SMARCC1: variants seen among roughly 807,000 people sequenced by gnomAD.
The protein encoded by SMARCC1 is SWI/SNF complex subunit SMARCC1.
In SMARCC1, 43 loss-of-function variants were observed where a neutral mutation model predicts 147.4. That is an observed-to-expected ratio of 0.29 (90% CI 0.23 to 0.38). The LOEUF is 0.38. Among genes scored for constraint, SMARCC1 ranks in the 10% least tolerant of loss-of-function variants. The pLI is 1.00. For missense variants in SMARCC1, 1,119 were observed against 1,381.1 expected, an observed-to-expected ratio of 0.81 and a Z score of 3.01; for synonymous variants, 495 against 484.4, an observed-to-expected ratio of 1.02 and a Z score of -0.29.
rs1553689888 is a variant in SMARCC1 at position 47,747,480 on chromosome 3, T to TATAAATATAAATATAAATATAAAA, written c.316-1488_316-1487insTTTTATATTTATATTTATATTTAT. On this transcript the variant is annotated intron_variant, in intron 2 of 27. Coordinates refer to ENST00000254480, the MANE Select transcript of SMARCC1 (RefSeq NM_003074.4). The stretch of plus-strand genomic sequence containing the variant: ...ATATAAATATAAATATAAATATAAA[T>TATAAATATAAATATAAATATAAAA]ATAAAAATTAGCCAGGCATGGTGGC... Among the ~76,000 whole-genome samples the TATAAATATAAATATAAATATAAAA allele has an allele frequency of 1.2e-4, 18 of 147,544 alleles. No individual in the cohort carries two copies. The South Asian group carries it at 3.6e-3, about 29-fold the overall frequency.
chr3:47,758,949 G>A (rs1478324820), intron 2 of SMARCC1, among the ~76,000 whole-genome samples: 3 of 151,892 alleles, frequency 2.0e-5, no homozygotes, highest in East Asian at 2.0e-4. Flanking sequence ...CCAGGGAGGC[G>A]GTGGTGGCGG....
intron 6 of SMARCC1, among the ~76,000 whole-genome samples, chr3:47,722,257 T>C (rs2034241660): frequency 6.6e-6 from 1 of 151,868 alleles, no homozygotes; most frequent in Non-Finnish European, 1.5e-5. Flanking sequence ...AAAAGGTATC[T>C]TTCCTAACCA....
chr3:47,605,843 T>C (rs1459358511), intron 26 of SMARCC1, among the ~76,000 whole-genome samples: 1 of 152,132 alleles, frequency 6.6e-6, no homozygotes, highest in Non-Finnish European at 1.5e-5. Flanking sequence ...TTAGATAACA[T>C]TCAACCAGCC....
rs747377345 is a variant in SMARCC1, at chr3:47,676,725, A to G, written c.1629T>C (p.Ser543=). The G allele has an allele frequency of 6.2e-7, 1 of 1,613,638 alleles. No homozygotes were observed. The highest frequency in any genetic ancestry group is 1.3e-5 in the African/African-American group (1 of 75,046). The stretch of plus-strand genomic sequence containing the variant: ...GAGGAGGTCCCATTGCCATGGGTCT[A>G]CTTTCCGGGTCAACTTGGTAATTAA... ...GLVNYQVDPE[S]RPMAMGPPPT... Residue 543 remains serine, a synonymous_variant, in exon 17 of 28, where the codon AGT becomes AGC. Transcript: ENST00000254480.
chr3:47,758,061 A>C (rs959480805), intron 2 of SMARCC1, among the ~76,000 whole-genome samples: 1 of 152,130 alleles, frequency 6.6e-6, no homozygotes, highest in African/African-American at 2.4e-5. Context: ...AAAATGAATA[A>C]AAAAAATTGT....
chr3:47,723,378 T>TTC (rs2034258734), intron 6 of SMARCC1, among the ~76,000 whole-genome samples: 1 of 132,698 alleles, frequency 7.5e-6, no homozygotes, highest in African/African-American at 2.7e-5. Flanking sequence ...TTTTTTTTTT[T>TTC]GAGACAGAGT....
intron 11 of SMARCC1, among the ~76,000 whole-genome samples, chr3:47,700,519 TTTTTTG>T (rs1322874907): frequency 5.9e-5 from 9 of 152,124 alleles, no homozygotes; most frequent in African/African-American, 1.7e-4. Flanking sequence ...TTGTTTTTTG[TTTTTTG>T]TTTTTGTTTT....
chr3:47,628,266 T>G (rs1026165678), intron 24 of SMARCC1, among the ~76,000 whole-genome samples: 1 of 152,240 alleles, frequency 6.6e-6, no homozygotes, highest in African/African-American at 2.4e-5. Context: ...TTTTGTTTTC[T>G]GCTTAGTTCA....
At chr3:47,699,812 CTGAG>C (rs2033896391) in intron 11 of SMARCC1, among the ~76,000 whole-genome samples, 1 of 152,014 alleles carries the variant, frequency 6.6e-6, no homozygotes, top group African/African-American at 2.4e-5. Context: ...CGTATACTTC[CTGAG>C]TTTTAGTAAC....
intron 26 of SMARCC1, among the ~76,000 whole-genome samples, chr3:47,598,432 A>T (rs2032333770): frequency 6.6e-6 from 1 of 152,208 alleles, no homozygotes; most frequent in Non-Finnish European, 1.5e-5. Flanking sequence ...CGACCTGGAC[A>T]GAGGCCTTAA....
intron 2 of SMARCC1, among the ~76,000 whole-genome samples, chr3:47,755,505 A>G (rs960060845): frequency 6.6e-6 from 1 of 151,320 alleles, no homozygotes; most frequent in East Asian, 1.9e-4. Context: ...TCAAAAAAAA[A>G]AAAAAGAAAA....
intron 2 of SMARCC1, among the ~76,000 whole-genome samples, chr3:47,746,650 AT>A: frequency 6.6e-6 from 1 of 152,046 alleles, no homozygotes; most frequent in African/African-American, 2.4e-5. Flanking sequence ...ACATATTATA[AT>A]TTGAGTAATT....
chr3:47,698,263 T>C (rs2033878311), intron 11 of SMARCC1, among the ~76,000 whole-genome samples: 1 of 151,986 alleles, frequency 6.6e-6, no homozygotes, highest in African/African-American at 2.4e-5. Flanking sequence ...TATCAAAATT[T>C]GGCATTCATT....
chr3:47,698,460 G>A (rs1341003377), intron 11 of SMARCC1, among the ~76,000 whole-genome samples: 1 of 152,054 alleles, frequency 6.6e-6, no homozygotes, highest in Admixed American at 6.6e-5. Flanking sequence ...GGAGGTTTGT[G>A]TAATAGAAAA....
intron 2 of SMARCC1, among the ~76,000 whole-genome samples, chr3:47,746,777 C>CTGGA (rs1344862089): frequency 7.2e-6 from 1 of 139,806 alleles, no homozygotes; most frequent in African/African-American, 2.7e-5. Flanking sequence ...GTTGCCCAGG[C>CTGGA]TGGAGTGCAA....
At chr3:47,725,264 C>CAA (rs1311935281) in intron 6 of SMARCC1, among the ~76,000 whole-genome samples, 2 of 151,856 alleles carry the variant, frequency 1.3e-5, no homozygotes, top group East Asian at 3.9e-4. Context: ...ATGACCTGAA[C>CAA]AAATATATCT....
intron 25 of SMARCC1, among the ~76,000 whole-genome samples, chr3:47,614,017 A>G (rs753555095): frequency 5.2e-4 from 79 of 152,124 alleles, no homozygotes; most frequent in Non-Finnish European, 1.0e-3. Flanking sequence ...GAGGGCCACA[A>G]AAATCTATCT....
chr3:47,607,439 T>A (rs567760806), intron 26 of SMARCC1, among the ~76,000 whole-genome samples: 1 of 152,270 alleles, frequency 6.6e-6, no homozygotes, highest in East Asian at 1.9e-4. Flanking sequence ...TTGCATCCCA[T>A]CCCCAAAAGC....
intron 21 of SMARCC1, among the ~76,000 whole-genome samples, chr3:47,646,888 C>T (rs1471299040): frequency 1.3e-5 from 2 of 152,138 alleles, no homozygotes; most frequent in Non-Finnish European, 2.9e-5. Flanking sequence ...CAGAATATGC[C>T]ACCTACCTTC....
Sources: gnomAD v4.1 joint callset for allele counts (sites outside exome capture counted in the v4.1 genomes callset) on GRCh38, gnomAD v4.1.1 for gene constraint, MANE v1.5 for transcripts, NCBI Gene and HGNC (gene_info 2026-07-23, HGNC 2026-07-21) for gene names.